Variants in PKD1 observed in about 807,000 individuals in gnomAD.
The protein encoded by PKD1 is polycystin-1.
PKD1 carries 81 observed loss-of-function variants against 361.7 expected under a neutral mutation model. The ratio of observed to expected loss-of-function variants is 0.22; its 90% CI spans 0.19 to 0.27. The LOEUF (loss-of-function observed/expected upper bound fraction) is 0.27, where lower values mean the gene tolerates loss of function less well. Ranked by LOEUF, PKD1 falls within the 10% of genes least tolerant of loss-of-function variation. The pLI is 1.00. For missense variants in PKD1, 6,399 were observed against 6,118.3 expected, an observed-to-expected ratio of 1.05 and a Z score of -1.53; for synonymous variants, 3,615 against 2,818.3, an observed-to-expected ratio of 1.28 and a Z score of -8.95.
chr16:2,094,052 AG>A, intron 35 of PKD1, 39 bp from the exon 36 acceptor site: 1 of 1,591,124 alleles, frequency 6.3e-7, no homozygotes, highest in South Asian at 1.1e-5. Flanking sequence ...GGCAGCTCAC[AG>A]GGAGGGGCTA....
At chr16:2,133,425 G>T (rs1438330816) in intron 1 of PKD1, among the ~76,000 whole-genome samples, 1 of 147,286 alleles carries the variant, frequency 6.8e-6, no homozygotes, top group East Asian at 1.9e-4. Context: ...AAGGCTACTG[G>T]TGACACCCAG....
In PKD1 at chr16:2,092,853, C is replaced by G. The variant is rs1385796000; in HGVS notation, c.11156+101G>C. On this transcript the variant is annotated intron_variant, in intron 38 of 45. Coordinates refer to ENST00000262304, the MANE Select transcript of PKD1 (RefSeq NM_001009944.3). ...AGCACCTACCTCCAGTTCTAGCAGC[C>G]ACAAAGGTATCTACACATGTCCACA... is the stretch of plus-strand genomic sequence containing the variant. 3 of 1,421,356 alleles carry G rather than the reference C, an allele frequency of 2.1e-6. No homozygotes were observed. The African/African-American group carries it at 4.2e-5, about 20-fold the overall frequency. The allele number at this position is 1,421,356 out of a possible 1,614,324, so 88.0% of individuals were successfully genotyped here. A position where few individuals can be genotyped will look rare whatever the true frequency, so the allele number is the denominator to read the frequency against.
chr16:2,108,529 C>T lies in PKD1; in HGVS notation c.6638G>A (p.Arg2213Gln), dbSNP rs751540966. ...RVALPGVDVS[R>Q]PRLVLPRLAL... ...CAGCCGCGGCAGCACCAGCCGAGGC[C>T]GGCTCACGTCCACGCCGGGCAGGGC... Residue 2213 changes from arginine to glutamine, a missense_variant, in exon 15 of 46, where the codon CGG (arginine) becomes CAG (glutamine). Transcript: ENST00000262304. The T allele has an allele frequency of 3.7e-6, 6 of 1,608,674 alleles. No individual in the cohort carries two copies. The highest frequency in any genetic ancestry group is 4.5e-5 in the East Asian group (2 of 44,846).
chr16:2,110,778 C>T lies in PKD1; in HGVS notation c.4389G>A (p.Gln1463=). Residue 1463 remains glutamine (Q), a synonymous_variant, in exon 15 of 46, where the codon CAG becomes CAA. Transcript: ENST00000262304. Reference sequence around the variant, plus strand: ...TGATGCTGGTGACCAGCACGGGCTCCTGCACCTCCACCAGGGCTGAGTCAT... The same window carrying T: ...TGATGCTGGTGACCAGCACGGGCTCTTGCACCTCCACCAGGGCTGAGTCAT... ...AANDSALVEV[Q]EPVLVTSIKV... The T allele has an allele frequency of 6.2e-7, 1 of 1,611,026 alleles. No homozygotes were observed. Among genetic ancestry groups the T allele is most frequent in the Non-Finnish European group, 8.5e-7 (1 of 1,179,832 alleles).
rs376278357 is a variant in PKD1 at position 2,107,579 on chromosome 16, G to T, written c.7065+304C>A. The T allele has an allele frequency of 2.4e-5, 12 of 492,598 alleles. No homozygotes were observed. In the East Asian group the frequency reaches 4.6e-4, roughly 19 times the overall value. The allele number at this position is 492,598 out of a possible 1,614,324, so 30.5% of individuals were successfully genotyped here. On this transcript the variant is annotated intron_variant, in intron 16 of 45. Transcript: ENST00000262304. ...CCGGCCCACCACATCCAGCAACAGG[G>T]ACATGGGCTGGGGACAGTGGCTACC...
Position 2,111,887 on chromosome 16 carries a change from C to T in PKD1, c.3296-16G>A, listed in dbSNP as rs375431805. On this transcript the variant is annotated splice_polypyrimidine_tract_variant and intron_variant, in intron 14 of 45. Transcript: ENST00000262304. ...AGGTACTCACCTGTGGGGACAGGCC[C>T]GAGTGGGGCAGCCGCGGCACCCCCA... 19 of 1,609,602 alleles carry T rather than the reference C, an allele frequency of 1.2e-5. No individual in the cohort carries two copies. In the African/African-American group the frequency reaches 1.5e-4, roughly 12 times the overall value.
At chr16:2,123,449 C>T (rs1281037157) in intron 1 of PKD1, 1 of 456,442 alleles carries the variant, frequency 2.2e-6, no homozygotes. Context: ...CACAGGGGTC[C>T]CCGTGGAGTC....
chr16:2,090,081 G>T lies in PKD1; in HGVS notation c.12558C>A (p.His4186Gln). 1 of 1,609,550 alleles carries T rather than the reference G, an allele frequency of 6.2e-7. No homozygotes were observed. ...PPPSAGSDAS[H>Q]PSTSSSQLDG... ...CCAGCTGGCTGGAGGAGGTGGAGGGGTGCGAGGCATCGGAGCCAGCGCTGG... is the reference window on the plus strand; with the variant it reads ...CCAGCTGGCTGGAGGAGGTGGAGGGTTGCGAGGCATCGGAGCCAGCGCTGG... The change falls in exon 46 of 46, where the codon CAC becomes CAA. Residue 4186 changes from histidine (H) to glutamine (Q), a missense_variant. His to Gln is a conservative substitution (Grantham distance 24). Transcript: ENST00000262304.
At position 2,097,406 on chromosome 16, in the gene PKD1, C is replaced by G; in HGVS notation, c.10318G>C (p.Gly3440Arg). The G allele has an allele frequency of 1.2e-6, 2 of 1,610,078 alleles. No homozygotes were observed. The highest frequency in any genetic ancestry group is 2.2e-5 in the South Asian group (2 of 91,068). The stretch of plus-strand genomic sequence containing the variant: ...GGGCCCAGCCCATGGCCCGCCTGGC[C>G]CCGTGCCAGCTGCCGCAGATTGCTA... ...VGSNLRQLAR[G>R]QAGHGLGPEE... Residue 3440 changes from glycine to arginine, a missense_variant, in exon 33 of 46, where the codon GGC becomes CGC. Transcript: ENST00000262304.
At position 2,089,349 on chromosome 16, in the gene PKD1, G is replaced by A. The variant is rs1036227896; in HGVS notation, c.*378C>T. The stretch of plus-strand genomic sequence containing the variant: ...GAACTGGAGAGGTAATAACTTAGGG[G>A]CAGGGTGGCGGCGGTGCAGGCTAAC... On this transcript the variant is annotated 3_prime_UTR_variant, in exon 46 of 46. Coordinates refer to ENST00000262304, the MANE Select transcript of PKD1 (RefSeq NM_001009944.3). 23 of 342,308 alleles carry A rather than the reference G, an allele frequency of 6.7e-5. No homozygotes were observed. The highest frequency in any genetic ancestry group is 2.7e-4 in the African/African-American group (13 of 47,960). The allele number at this position is 342,308 out of a possible 1,614,324, so 21.2% of individuals were successfully genotyped here. A position where few individuals can be genotyped will look rare whatever the true frequency, so the allele number is the denominator to read the frequency against.
intron 13 of PKD1, 132 bp downstream of exon 13, chr16:2,112,656 C>G: frequency 8.8e-7 from 1 of 1,135,094 alleles, no homozygotes; most frequent in Non-Finnish European, 1.3e-6. Flanking sequence ...TCCTGTGCAC[C>G]CAGTTACCTC....
intron 10 of PKD1, 137 bp from the exon 11 acceptor site, chr16:2,115,062 G>A (rs1163480304): frequency 6.7e-7 from 1 of 1,494,554 alleles, no homozygotes; most frequent in Non-Finnish European, 8.9e-7. Flanking sequence ...CAGTGCTCGT[G>A]ACAAGGACAG....
rs200279710 is a variant in PKD1, at chr16:2,090,922, C to T, written c.11965G>A (p.Gly3989Ser). ...AGGAAGAGCAGCGAGGCCGCCAGGC[C>T]ACGGGCTGCGGAGCTCAGCTGCGCC... The part of the protein sequence containing the change: ...QVAQLSSAAR[G>S]LAASLLFLLL... The change falls in exon 43 of 46, where the codon GGC becomes AGC. Residue 3989 changes from glycine to serine, a missense_variant. By Grantham distance (56) the Gly-to-Ser change is moderately conservative. Coordinates refer to ENST00000262304, the MANE Select transcript of PKD1 (RefSeq NM_001009944.3). The T allele has an allele frequency of 1.4e-4, 219 of 1,585,392 alleles. No individual in the cohort carries two copies. The African/African-American group carries it at 2.4e-3, about 17-fold the overall frequency.
intron 1 of PKD1, among the ~76,000 whole-genome samples, chr16:2,125,110 G>A (rs1724593292): frequency 1.3e-5 from 2 of 152,254 alleles, no homozygotes; most frequent in African/African-American, 2.4e-5. Context: ...TTCCCTCTGC[G>A]CTGTGCTCCT....
intron 41 of PKD1, 79 bp from the exon 42 acceptor site, chr16:2,091,676 G>T: frequency 6.4e-7 from 1 of 1,563,396 alleles, no homozygotes; most frequent in Admixed American, 1.8e-5. Context: ...GCGTGGCTGA[G>T]GGGCTGTGGA....
chr16:2,094,514 T>A (rs2151712109), intron 34 of PKD1, among the ~76,000 whole-genome samples: 1 of 152,176 alleles, frequency 6.6e-6, no homozygotes, highest in African/African-American at 2.4e-5. Flanking sequence ...TCTCTCAGGG[T>A]GCAATGAGCC....
chr16:2,096,855 C>T, intron 34 of PKD1: 1 of 500,292 alleles, frequency 2.0e-6, no homozygotes, highest in East Asian at 3.4e-5. Flanking sequence ...TAATTTCTCA[C>T]TGCTCTGAGA....
In PKD1 at chr16:2,088,866, C is replaced by CGCGCGT. The variant is rs944671596; in HGVS notation, c.*855_*860dup. On this transcript the variant is annotated 3_prime_UTR_variant, in exon 46 of 46. Coordinates refer to ENST00000262304, the MANE Select transcript of PKD1 (RefSeq NM_001009944.3). ...GGCTGCCTGGGCCATACAGCACACT[C>CGCGCGT]GCGCGTGCGCGCGCGCACACACACA... 3.0e-5 allele frequency: 15 copies of CGCGCGT among 505,212 alleles called. 1 individual carries two copies. Among genetic ancestry groups the CGCGCGT allele is most frequent in the South Asian group, 1.4e-4 (7 of 48,526 alleles). 31.3% of individuals were successfully genotyped at this position (505,212 alleles called of 1,614,324 possible).
intron 16 of PKD1, 67 bp from the exon 17 acceptor site, chr16:2,107,015 A>T: frequency 6.8e-7 from 1 of 1,479,070 alleles, no homozygotes; most frequent in Non-Finnish European, 9.3e-7. Context: ...TGGGGGACCC[A>T]TGGAGGATGC....
Sources: allele counts gnomAD v4.1 joint callset (sites outside exome capture counted in the v4.1 genomes callset), GRCh38; gene constraint gnomAD v4.1.1; transcripts MANE v1.5; gene names NCBI Gene and HGNC (gene_info 2026-07-23, HGNC 2026-07-21).